The following ADGRB1 variants were observed in gnomAD, a reference collection of about 807,000 sequenced individuals.
The protein encoded by ADGRB1 is adhesion G protein-coupled receptor B1.
ADGRB1 carries 36 observed loss-of-function variants against 175.7 expected under a neutral mutation model. The ratio of observed to expected loss-of-function variants is 0.20; its 90% CI spans 0.16 to 0.27. The LOEUF (loss-of-function observed/expected upper bound fraction) is 0.27, where lower values mean the gene tolerates loss of function less well. Among genes scored for constraint, ADGRB1 ranks in the 10% least tolerant of loss-of-function variants. The pLI, the probability that ADGRB1 is intolerant of heterozygous loss-of-function variation, is 1.00. For missense variants in ADGRB1, 1,731 were observed against 2,255.3 expected (o/e 0.77, Z 4.71); for synonymous variants, 1,054 against 979.4 (o/e 1.08, Z -1.42).
chr8:142,544,640 G>T lies in ADGRB1; in HGVS notation c.*223G>T. On this transcript the variant is annotated 3_prime_UTR_variant, in exon 31 of 31. Coordinates refer to ENST00000517894, the MANE Select transcript of ADGRB1 (RefSeq NM_001702.3). ...CAGCGGGCACAGGGCACCAGAGGCC[G>T]AAGGTGCCTCAGACTCCGCCCTCCT... 2.2e-6 allele frequency: 1 copy of T among 457,048 alleles called. No individual in the cohort carries two copies. Among genetic ancestry groups the T allele is most frequent in the Non-Finnish European group, 3.6e-6 (1 of 276,026 alleles). 28.3% of individuals were successfully genotyped at this position (457,048 alleles called of 1,614,324 possible). A position where few individuals can be genotyped will look rare whatever the true frequency, so the allele number is the denominator to read the frequency against.
chr8:142,459,369 G>A (rs903848636), intron 1 of ADGRB1, among the ~76,000 whole-genome samples: 1 of 152,158 alleles, frequency 6.6e-6, no homozygotes, highest in Non-Finnish European at 1.5e-5. Context: ...GAGGGGAGGA[G>A]GGTGAGCCAG....
chr8:142,484,446 A>G (rs191932038), intron 12 of ADGRB1, among the ~76,000 whole-genome samples: 2 of 152,318 alleles, frequency 1.3e-5, no homozygotes, highest in African/African-American at 4.8e-5. Flanking sequence ...ACTTTCCCCA[A>G]TCCTGGGCTT....
intron 17 of ADGRB1, among the ~76,000 whole-genome samples, chr8:142,495,254 C>T (rs1392674547): frequency 1.3e-5 from 2 of 151,658 alleles, no homozygotes; most frequent in African/African-American, 2.4e-5. Flanking sequence ...AGCGGAAGAA[C>T]AGTCTCATGG....
intron 1 of ADGRB1, among the ~76,000 whole-genome samples, chr8:142,456,418 C>T (rs187282123): frequency 3.0e-4 from 46 of 152,258 alleles, no homozygotes; most frequent in Middle Eastern, 3.4e-3. Flanking sequence ...ATGCACACAC[C>T]CTGCACGTGC....
chr8:142,455,348 G>A lies in ADGRB1; in HGVS notation c.-220+5244G>A, dbSNP rs532835941. ...CCTTAGGCTCCTGTCCCCTTCACTC[G>A]CCCCCATGGCTGTCCTCCTGCTTGT... On this transcript the variant is annotated intron_variant, in intron 1 of 30. Coordinates refer to ENST00000517894, the MANE Select transcript of ADGRB1 (RefSeq NM_001702.3). This position sits in a 1 kb window ranked among gnomAD's most constrained non-coding sequence, Gnocchi z 4.9. Among the ~76,000 whole-genome samples the A allele has an allele frequency of 3.9e-4, 59 of 151,848 alleles. No homozygotes were observed. The highest frequency in any genetic ancestry group is 6.6e-4 in the Non-Finnish European group (45 of 67,950).
At chr8:142,498,379 G>A (rs1842326482) in intron 17 of ADGRB1, among the ~76,000 whole-genome samples, 1 of 152,116 alleles carries the variant, frequency 6.6e-6, no homozygotes, top group African/African-American at 2.4e-5. Context: ...TGGAGCTGGG[G>A]GCTTCCACAT....
chr8:142,468,218 G>A (rs1840389987), intron 2 of ADGRB1, among the ~76,000 whole-genome samples: 1 of 152,074 alleles, frequency 6.6e-6, no homozygotes, highest in Non-Finnish European at 1.5e-5. Flanking sequence ...GCGTGTGTGT[G>A]TGTGTGTGCG....
At position 142,489,457 on chromosome 8, in the gene ADGRB1, C is replaced by T. The variant is rs760745881; in HGVS notation, c.2631+19C>T. ...GTATAATGTGAGTGCCGTCCACGTG[C>T]ACACTCTGATGCCAGCAGAAACGCG... On this transcript the variant is annotated intron_variant, in intron 16 of 30. Transcript: ENST00000517894. 1.2e-6 allele frequency: 2 copies of T among 1,608,060 alleles called. No homozygotes were observed. The highest frequency in any genetic ancestry group is 1.7e-6 in the Non-Finnish European group (2 of 1,175,602).
chr8:142,496,586 T>C (rs1476059564), intron 17 of ADGRB1, among the ~76,000 whole-genome samples: 2 of 152,216 alleles, frequency 1.3e-5, no homozygotes, highest in African/African-American at 4.8e-5. Context: ...GTTGCAAATA[T>C]CTTTCAGTCT....
At chr8:142,491,884 G>C (rs1002484922) in intron 17 of ADGRB1, among the ~76,000 whole-genome samples, 7 of 152,210 alleles carry the variant, frequency 4.6e-5, no homozygotes, top group African/African-American at 1.7e-4. Flanking sequence ...AAGGCTGCCT[G>C]ACAGGGAGAG....
rs377712478 is a variant in ADGRB1, at chr8:142,542,226, C to T, written c.3992C>T (p.Ser1331Leu). The T allele has an allele frequency of 6.2e-6, 10 of 1,613,518 alleles. No individual in the cohort carries two copies. Among genetic ancestry groups the T allele is most frequent in the Non-Finnish European group, 8.5e-6 (10 of 1,179,848 alleles). The change falls in exon 28 of 31, where the codon TCG (serine) becomes TTG (leucine). Residue 1331 changes from serine (S) to leucine (L), a missense_variant. Ser to Leu is a moderately radical substitution (Grantham distance 145, BLOSUM62 -2). This residue lies in a region of ADGRB1 where 394 missense variants were observed against 410.2 expected (regional missense o/e 0.96). Transcript: ENST00000517894. This position sits in a 1 kb window ranked among gnomAD's most constrained non-coding sequence, Gnocchi z 6.3. ...GGGGACATCTTCAAGAAGCTGGACT[C>T]GGAGCTGAGCCGGGCCCAGGAGAAG... ...GDGDIFKKLDSELSRAQEKAL... is the reference protein window; with the variant it reads ...GDGDIFKKLDLELSRAQEKAL...
intron 17 of ADGRB1, among the ~76,000 whole-genome samples, chr8:142,500,375 TGCCCCCCGCGCCGCTCCTCCCCC>T (rs1411007900): frequency 1.1e-4 from 2 of 18,170 alleles, no homozygotes; most frequent in African/African-American, 7.7e-4. Flanking sequence ...TTTCCTCCCC[TGCCCCCCGCGCCGCTCCTCCCCC>T]GCCCCCTACA....
chr8:142,488,269 T>A (rs1175606729), intron 13 of ADGRB1, 95 bp from the exon 14 acceptor site: 5 of 1,519,538 alleles, frequency 3.3e-6, no homozygotes, highest in Admixed American at 1.7e-5. Flanking sequence ...CAGCCTGCAC[T>A]GCCAGGCCTG....
At position 142,490,758 on chromosome 8, in the gene ADGRB1, C is replaced by T; in HGVS notation, c.2632-14C>T. 6.4e-7 allele frequency: 1 copy of T among 1,571,340 alleles called. No individual in the cohort carries two copies. The highest frequency in any genetic ancestry group is 1.2e-5 in the South Asian group (1 of 85,354). On this transcript the variant is annotated splice_polypyrimidine_tract_variant and intron_variant, in intron 16 of 30. Coordinates refer to ENST00000517894, the MANE Select transcript of ADGRB1 (RefSeq NM_001702.3). ...GGCTGCCAGGGGCCCTGACTCCTCT[C>T]CCCTCTCTCCCAGGGCACCACCAAC... is the stretch of plus-strand genomic sequence containing the variant.
chr8:142,519,304 G>T (rs548962576), intron 19 of ADGRB1, among the ~76,000 whole-genome samples: 1 of 152,120 alleles, frequency 6.6e-6, no homozygotes, highest in African/African-American at 2.4e-5. Context: ...ATGAGCTGCC[G>T]GCAGGGACTG....
intron 13 of ADGRB1, among the ~76,000 whole-genome samples, chr8:142,486,781 G>A (rs1841692562): frequency 6.6e-6 from 1 of 152,204 alleles, no homozygotes; most frequent in African/African-American, 2.4e-5. Flanking sequence ...CAGTTCAGGA[G>A]GCCAAGGCAG....
intron 22 of ADGRB1, 31 bp from the exon 23 acceptor site, chr8:142,524,207 G>A (rs374275619): frequency 2.1e-5 from 33 of 1,588,816 alleles, no homozygotes; most frequent in South Asian, 5.7e-5. Context: ...CTCTGCACAC[G>A]GGCGGTGCTG....
chr8:142,542,239 G>A lies in ADGRB1; in HGVS notation c.4005G>A (p.Arg1335=). 2 of 1,613,598 alleles carry A rather than the reference G, an allele frequency of 1.2e-6. No homozygotes were observed. The highest frequency in any genetic ancestry group is 1.1e-5 in the South Asian group (1 of 91,088). ...IFKKLDSELS[R]AQEKALDTSY... The stretch of plus-strand genomic sequence containing the variant: ...AGAAGCTGGACTCGGAGCTGAGCCG[G>A]GCCCAGGAGAAGGCTCTGGACACGA... The change falls in exon 28 of 31, where the codon CGG becomes CGA. Residue 1335 remains arginine, a synonymous_variant. Transcript: ENST00000517894. This position sits in a 1 kb window ranked among gnomAD's most constrained non-coding sequence, Gnocchi z 6.3.
intron 24 of ADGRB1, among the ~76,000 whole-genome samples, chr8:142,528,852 A>G (rs532246650): frequency 3.8e-4 from 58 of 152,228 alleles, no homozygotes; most frequent in African/African-American, 1.4e-3. Flanking sequence ...TGGCAGCACA[A>G]GGCACCGCGG....
Sources: allele counts gnomAD v4.1 joint callset (sites outside exome capture counted in the v4.1 genomes callset), GRCh38; gene constraint gnomAD v4.1.1; regional missense constraint gnomAD v4.1.1; non-coding constraint Gnocchi (gnomAD v3.1); transcripts MANE v1.5; gene names NCBI Gene and HGNC (gene_info 2026-07-23, HGNC 2026-07-21).